Variants in SMARCA1 observed in about 807,000 individuals in gnomAD.
SMARCA1 encodes SWI/SNF-related matrix-associated actin-dependent regulator of chromatin subfamily A member 1.
A neutral mutation model predicts 93.6 loss-of-function variants in SMARCA1; 17 were observed. The ratio of observed to expected loss-of-function variants is 0.18; its 90% CI spans 0.12 to 0.27. The LOEUF (loss-of-function observed/expected upper bound fraction) is 0.27. Among genes scored for constraint, SMARCA1 ranks in the 10% least tolerant of loss-of-function variants. SMARCA1 has a pLI of 1.00. For missense variants in SMARCA1, 630 were observed against 819.0 expected (o/e 0.77, Z 2.82); for synonymous variants, 271 against 271.4 (o/e 1.00, Z 0.01).
intron 1 of SMARCA1, among the ~76,000 whole-genome samples, chrX:129,521,411 A>C (rs1366653253): frequency 8.9e-6 from 1 of 111,989 alleles, no homozygotes; most frequent in African/African-American, 3.2e-5. Flanking sequence ...TAAAAATAAA[A>C]ATGGATATCC....
chrX:129,470,864 C>T (rs1933087766), intron 20 of SMARCA1, among the ~76,000 whole-genome samples: 1 of 111,440 alleles, frequency 9.0e-6, no homozygotes, highest in Non-Finnish European at 1.9e-5. Context: ...GCGAGACTGT[C>T]TCAAAAAACA....
chrX:129,470,756 C>T (rs1004054635), intron 20 of SMARCA1, among the ~76,000 whole-genome samples: 1 of 110,966 alleles, frequency 9.0e-6, no homozygotes, highest in African/African-American at 3.3e-5. Context: ...GTAATCCCAG[C>T]TACTCGGGAG....
chrX:129,470,197 A>G (rs1407767853), intron 20 of SMARCA1, among the ~76,000 whole-genome samples: 1 of 111,838 alleles, frequency 8.9e-6, no homozygotes, highest in Non-Finnish European at 1.9e-5. Context: ...GCAACCCTCT[A>G]TACTAAAGTA....
intron 9 of SMARCA1, among the ~76,000 whole-genome samples, chrX:129,501,597 G>A (rs907557293): frequency 4.9e-5 from 5 of 102,244 alleles, no homozygotes; most frequent in Non-Finnish European, 8.0e-5. Flanking sequence ...CGCCCGGCCC[G>A]CCAAACTTTT....
intron 8 of SMARCA1, 63 bp from the exon 9 acceptor site, chrX:129,504,865 T>C: frequency 1.5e-6 from 1 of 681,558 alleles, no homozygotes. Flanking sequence ...CGATATTCTG[T>C]AGATTCTTAT....
intron 5 of SMARCA1, among the ~76,000 whole-genome samples, chrX:129,512,387 A>G (rs1169084592): frequency 9.0e-6 from 1 of 111,300 alleles, no homozygotes; most frequent in African/African-American, 3.3e-5. Context: ...TTTCTTTCCT[A>G]TTGTTCCTAA....
chrX:129,507,328 A>G (rs2124322979), intron 7 of SMARCA1, among the ~76,000 whole-genome samples: 1 of 112,091 alleles, frequency 8.9e-6, no homozygotes, highest in South Asian at 3.7e-4. Flanking sequence ...TCTCATCCAT[A>G]TAAATATATA....
At chrX:129,458,476 C>T (rs945475944) in intron 23 of SMARCA1, among the ~76,000 whole-genome samples, 1 of 112,037 alleles carries the variant, frequency 8.9e-6, no homozygotes, top group Admixed American at 9.5e-5. Flanking sequence ...ATATGTATCT[C>T]TACCTTTAAT....
At chrX:129,491,699 A>G (rs947727672) in intron 14 of SMARCA1, among the ~76,000 whole-genome samples, 33 of 111,667 alleles carry the variant, frequency 3.0e-4, no homozygotes, top group African/African-American at 9.7e-4. Flanking sequence ...CTATTTCATG[A>G]AAAAAACCAA....
At chrX:129,450,232 A>C (rs963372770) in intron 23 of SMARCA1, among the ~76,000 whole-genome samples, 8 of 111,740 alleles carry the variant, frequency 7.2e-5, no homozygotes, top group Non-Finnish European at 1.5e-4. Context: ...AGTGGAAGAG[A>C]CATCAAAGCT....
At chrX:129,518,105 G>A (rs1383565862) in intron 2 of SMARCA1, among the ~76,000 whole-genome samples, 1 of 111,197 alleles carries the variant, frequency 9.0e-6, no homozygotes, top group East Asian at 2.8e-4. Flanking sequence ...AGAGAGCACC[G>A]AACCAAAATG....
rs1205435176 is a variant in SMARCA1 at position 129,446,556 on chromosome X, T to C, written c.*606A>G. The C allele has an allele frequency of 8.9e-6, 1 of 112,748 alleles. No homozygotes were observed. The highest frequency in any genetic ancestry group is 1.9e-5 in the Non-Finnish European group (1 of 53,302). 9.3% of individuals were successfully genotyped at this position (112,748 alleles called of 1,213,427 possible). On this transcript the variant is annotated 3_prime_UTR_variant, in exon 25 of 25. Transcript: ENST00000371121. ...ATTTTCCCACTTGAATAGAGAATAA[T>C]TTAAATGTAATGCATACTGACAGCA...
intron 23 of SMARCA1, among the ~76,000 whole-genome samples, chrX:129,451,463 GA>G (rs967494149): frequency 3.7e-5 from 4 of 108,929 alleles, no homozygotes; most frequent in East Asian, 2.8e-4. Context: ...GGGTGATTCA[GA>G]AAAAAAAACT....
intron 23 of SMARCA1, among the ~76,000 whole-genome samples, chrX:129,451,828 CGAGTAGCTGG>C (rs2124152959): frequency 9.1e-6 from 1 of 109,498 alleles, no homozygotes; most frequent in African/African-American, 3.3e-5. Flanking sequence ...CTCAGCCTCC[CGAGTAGCTGG>C]GACTACAGGC....
chrX:129,480,082 A>G (rs1389104833), intron 19 of SMARCA1, among the ~76,000 whole-genome samples: 1 of 112,473 alleles, frequency 8.9e-6, no homozygotes, highest in Non-Finnish European at 1.9e-5. Context: ...TTCAACATAC[A>G]GAAATTACCT....
chrX:129,465,754 T>C, intron 22 of SMARCA1, 22 bp from the exon 23 acceptor site: 1 of 1,093,457 alleles, frequency 9.1e-7, no homozygotes, highest in Non-Finnish European at 1.2e-6. Flanking sequence ...AACAAAATAG[T>C]GCTTTTAATT....
At chrX:129,504,565 A>AAAAC (rs1934717456) in intron 9 of SMARCA1, among the ~76,000 whole-genome samples, 169 bp downstream of exon 9, 3 of 98,065 alleles carry the variant, frequency 3.1e-5, no homozygotes, top group African/African-American at 1.2e-4. Flanking sequence ...AAAAAAAAAA[A>AAAAC]AAAAAAAAAA....
At chrX:129,486,874 T>C (rs2059145855) in intron 17 of SMARCA1, 144 bp downstream of exon 17, 2 of 499,190 alleles carry the variant, frequency 4.0e-6, no homozygotes, top group Non-Finnish European at 3.5e-6. Context: ...AAACGAAAGA[T>C]ATACCTTGCA....
At chrX:129,509,075 T>C (rs1480216757) in intron 6 of SMARCA1, among the ~76,000 whole-genome samples, 1 of 109,308 alleles carries the variant, frequency 9.1e-6, no homozygotes, top group Non-Finnish European at 1.9e-5. Flanking sequence ...TAATCCCAGC[T>C]ACTTGGGAGG....
Sources: allele counts gnomAD v4.1 joint callset (sites outside exome capture counted in the v4.1 genomes callset), GRCh38; gene constraint gnomAD v4.1.1; transcripts MANE v1.5; gene names NCBI Gene and HGNC (gene_info 2026-07-23, HGNC 2026-07-21).